The following CFAP45 variants were observed in gnomAD, a reference collection of about 807,000 sequenced individuals.
CFAP45 encodes the protein cilia and flagella associated protein 45.
CFAP45 carries 43 observed loss-of-function variants against 75.6 expected under a neutral mutation model. That is an observed-to-expected ratio of 0.57 (90% CI 0.45 to 0.73). CFAP45 has a LOEUF of 0.73. Ranked by LOEUF, CFAP45 falls within the 30% of genes least tolerant of loss-of-function variation. The probability of loss-of-function intolerance (pLI) is 0.00; values close to 1 mark genes in which losing one functional copy is unlikely to be tolerated. For missense variants in CFAP45, 689 were observed against 701.5 expected (o/e 0.98, Z 0.20); for synonymous variants, 223 against 244.6 (o/e 0.91, Z 0.82).
chr1:159,884,158 T>A (rs977039021), intron 7 of CFAP45, among the ~76,000 whole-genome samples: 1 of 152,212 alleles, frequency 6.6e-6, no homozygotes, highest in African/African-American at 2.4e-5. Context: ...CATGCAGCCA[T>A]ATATTTCCTT....
chr1:159,879,748 C>T (rs1225248232), intron 8 of CFAP45, among the ~76,000 whole-genome samples: 1 of 152,154 alleles, frequency 6.6e-6, no homozygotes, highest in Non-Finnish European at 1.5e-5. Flanking sequence ...CACACCCTCC[C>T]CCTGGCCTTC....
At chr1:159,898,095 C>A in intron 1 of CFAP45, 1 of 985,134 alleles carries the variant, frequency 1.0e-6, no homozygotes, top group Non-Finnish European at 1.2e-6. Flanking sequence ...TTCTTTTGCA[C>A]AGTCTCCGCA....
chr1:159,890,757 CTTTTTT>C, intron 2 of CFAP45, 135 bp from the exon 3 acceptor site: 21 of 318,416 alleles, frequency 6.6e-5, no homozygotes, highest in East Asian at 7.1e-5. Context: ...CTTTTCTTTT[CTTTTTT>C]TTTTTTTTTT....
chr1:159,891,867 GC>G (rs1274633875), intron 2 of CFAP45, among the ~76,000 whole-genome samples: 1 of 152,176 alleles, frequency 6.6e-6, no homozygotes, highest in Non-Finnish European at 1.5e-5. Flanking sequence ...TTTTCTGATA[GC>G]CCCCTTTTGC....
At chr1:159,892,753 G>A (rs1333938968) in intron 2 of CFAP45, among the ~76,000 whole-genome samples, 1 of 152,182 alleles carries the variant, frequency 6.6e-6, no homozygotes, top group Non-Finnish European at 1.5e-5. Context: ...AATTGTTTTA[G>A]TTGAGCAACT....
At chr1:159,882,490 C>T (rs1363772677) in intron 7 of CFAP45, among the ~76,000 whole-genome samples, 1 of 152,096 alleles carries the variant, frequency 6.6e-6, no homozygotes, top group Non-Finnish European at 1.5e-5. Flanking sequence ...TCTTTTGAAG[C>T]CCTTCCAAAG....
intron 4 of CFAP45, 90 bp from the exon 5 acceptor site, chr1:159,888,101 A>C: frequency 6.9e-7 from 1 of 1,445,446 alleles, no homozygotes; most frequent in South Asian, 1.3e-5. Context: ...GACCCAGTAC[A>C]ATTTTGCCTT....
At chr1:159,873,416 G>T in intron 10 of CFAP45, 1 of 560,934 alleles carries the variant, frequency 1.8e-6, no homozygotes, top group Non-Finnish European at 3.2e-6. Context: ...GGCATGCTTA[G>T]AAGGGCCCCC....
At chr1:159,893,463 A>G (rs1286737527) in intron 1 of CFAP45, among the ~76,000 whole-genome samples, 158 bp from the exon 2 acceptor site, 2 of 152,232 alleles carry the variant, frequency 1.3e-5, no homozygotes, top group East Asian at 1.9e-4. Flanking sequence ...CATAGGGGAC[A>G]AGGAGCAACA....
At chr1:159,899,590 C>T (rs1571193030) in intron 1 of CFAP45, among the ~76,000 whole-genome samples, 1 of 151,886 alleles carries the variant, frequency 6.6e-6, no homozygotes, top group Non-Finnish European at 1.5e-5. Context: ...GCCTCAGCCT[C>T]CCGAGTAGCT....
intron 7 of CFAP45, among the ~76,000 whole-genome samples, chr1:159,881,172 T>A (rs757718298): frequency 2.0e-5 from 3 of 152,230 alleles, no homozygotes; most frequent in Non-Finnish European, 4.4e-5. Context: ...CTATCTCTAA[T>A]ACCTAAATAT....
chr1:159,899,462 C>CTT (rs57828010), intron 1 of CFAP45, among the ~76,000 whole-genome samples: 139 of 60,512 alleles, frequency 2.3e-3, no homozygotes, highest in Non-Finnish European at 3.0e-3. Flanking sequence ...CTCACCAGTG[C>CTT]TTTTTTTTTT....
intron 1 of CFAP45, chr1:159,898,211 T>C (rs1649994922): frequency 1.0e-6 from 1 of 985,406 alleles, no homozygotes; most frequent in Middle Eastern, 5.2e-4. Flanking sequence ...CCCTTGCCTT[T>C]TACTCTGAGT....
At chr1:159,886,289 G>A (rs956813735) in intron 6 of CFAP45, among the ~76,000 whole-genome samples, 10 of 151,696 alleles carry the variant, frequency 6.6e-5, no homozygotes, top group African/African-American at 2.2e-4. Context: ...ACAGTGAGCC[G>A]AGATTATGCC....
At chr1:159,894,813 G>A (rs969733272) in intron 1 of CFAP45, among the ~76,000 whole-genome samples, 2 of 152,178 alleles carry the variant, frequency 1.3e-5, no homozygotes, top group African/African-American at 4.8e-5. Context: ...GGAACTAGTG[G>A]ACCAAAAGGC....
chr1:159,885,354 T>C (rs1222992875), intron 6 of CFAP45, among the ~76,000 whole-genome samples: 1 of 152,202 alleles, frequency 6.6e-6, no homozygotes, highest in Non-Finnish European at 1.5e-5. Flanking sequence ...TACTATAGTA[T>C]ACCAGGTACC....
intron 8 of CFAP45, among the ~76,000 whole-genome samples, chr1:159,878,771 A>AAAAAAAAAAAAAAC (rs1197645117): frequency 7.1e-6 from 1 of 141,812 alleles, no homozygotes. Flanking sequence ...AAAAAAAAAA[A>AAAAAAAAAAAAAAC]AAAAAAAAAA....
At chr1:159,874,126 A>T (rs984437033) in intron 10 of CFAP45, among the ~76,000 whole-genome samples, 2 of 152,168 alleles carry the variant, frequency 1.3e-5, no homozygotes, top group Admixed American at 6.5e-5. Context: ...CTCAAATGAA[A>T]TGCATTCGCA....
chr1:159,894,874 C>G (rs966416743), intron 1 of CFAP45, among the ~76,000 whole-genome samples: 4 of 152,184 alleles, frequency 2.6e-5, no homozygotes, highest in Non-Finnish European at 5.9e-5. Context: ...CCAGACCCAG[C>G]GTCTGGGCAA....
Sources: allele counts gnomAD v4.1 joint callset (sites outside exome capture counted in the v4.1 genomes callset), GRCh38; gene constraint gnomAD v4.1.1; transcripts MANE v1.5; gene names NCBI Gene and HGNC (gene_info 2026-07-23, HGNC 2026-07-21).